RBM19: variants seen among roughly 807,000 people sequenced by gnomAD.
The protein encoded by RBM19 is probable RNA-binding protein 19.
A neutral mutation model predicts 116.8 loss-of-function variants in RBM19; 94 were observed. The observed-to-expected ratio is 0.80, with a 90% confidence interval of 0.68 to 0.95. RBM19 has a LOEUF of 0.95. Ranked by LOEUF, RBM19 falls within the 40% of genes least tolerant of loss-of-function variation. RBM19 has a pLI of 0.00. For synonymous variants in RBM19, 475 were observed against 494.1 expected (o/e 0.96, Z 0.51); for missense variants, 1,161 against 1,220.7 (o/e 0.95, Z 0.73).
chr12:113,957,626 C>T (rs115046557), intron 6 of RBM19, among the ~76,000 whole-genome samples, 156 bp downstream of exon 6: 5 of 152,138 alleles, frequency 3.3e-5, no homozygotes, highest in Non-Finnish European at 5.9e-5. Context: ...AAAGAACACA[C>T]GGCGAGCAAG....
At chr12:113,838,473 T>A (rs1300559382) in intron 23 of RBM19, among the ~76,000 whole-genome samples, 1 of 151,984 alleles carries the variant, frequency 6.6e-6, no homozygotes, top group Non-Finnish European at 1.5e-5. Context: ...GGGGAGAGCA[T>A]GCATACTCCA....
chr12:113,846,601 G>A (rs1051850514), intron 22 of RBM19, among the ~76,000 whole-genome samples: 5 of 152,180 alleles, frequency 3.3e-5, no homozygotes, highest in African/African-American at 1.2e-4. Flanking sequence ...GATGCCAACT[G>A]TCCCCAGCAG....
chr12:113,871,502 A>G (rs1336672897), intron 21 of RBM19, among the ~76,000 whole-genome samples: 1 of 152,170 alleles, frequency 6.6e-6, no homozygotes, highest in Non-Finnish European at 1.5e-5. Context: ...CGACTACTCT[A>G]CTCTGCTCTG....
intron 21 of RBM19, among the ~76,000 whole-genome samples, chr12:113,902,785 C>G (rs1881784536): frequency 6.6e-6 from 1 of 152,066 alleles, no homozygotes; most frequent in Admixed American, 6.6e-5. Context: ...GTTTGTGTAG[C>G]TATTTTCCTA....
chr12:113,935,811 A>C (rs752650026), intron 16 of RBM19, among the ~76,000 whole-genome samples: 3 of 152,206 alleles, frequency 2.0e-5, no homozygotes, highest in Non-Finnish European at 4.4e-5. Flanking sequence ...AGGCAGGCAG[A>C]TCACTTGAGG....
At chr12:113,836,711 T>C (rs2135703614) in intron 23 of RBM19, among the ~76,000 whole-genome samples, 1 of 152,188 alleles carries the variant, frequency 6.6e-6, no homozygotes, top group Middle Eastern at 3.4e-3. Flanking sequence ...CCAGGCTCTG[T>C]GCTATGCCAT....
At chr12:113,889,351 C>A in intron 21 of RBM19, among the ~76,000 whole-genome samples, 1 of 152,198 alleles carries the variant, frequency 6.6e-6, no homozygotes. Context: ...CTCTCAGGAA[C>A]CCACAGGCAA....
intron 17 of RBM19, among the ~76,000 whole-genome samples, chr12:113,926,786 G>C (rs1367139216): frequency 6.6e-6 from 1 of 152,028 alleles, no homozygotes; most frequent in Non-Finnish European, 1.5e-5. Flanking sequence ...CATATTACAC[G>C]GTCTCCCGAA....
intron 6 of RBM19, among the ~76,000 whole-genome samples, chr12:113,956,029 T>C (rs1187130809): frequency 6.6e-6 from 1 of 152,120 alleles, no homozygotes; most frequent in Admixed American, 6.5e-5. Flanking sequence ...AGTGCCTTTT[T>C]GTAAACGAAA....
chr12:113,908,177 T>A (rs1266250432), intron 21 of RBM19, among the ~76,000 whole-genome samples: 1 of 152,150 alleles, frequency 6.6e-6, no homozygotes, highest in Non-Finnish European at 1.5e-5. Flanking sequence ...AGGGAAAGCC[T>A]GGAGAATGGG....
Position 113,957,779 on chromosome 12 carries a change from C to A in RBM19, c.840+3G>T. The A allele has an allele frequency of 1.3e-6, 2 of 1,576,914 alleles. No homozygotes were observed. Among genetic ancestry groups the A allele is most frequent in the South Asian group, 1.2e-5 (1 of 84,352 alleles). ...CCTCATCACCTGCGGGATACACACGCACCTCGGCTCTGGCCTCCGGTGGTC... is the reference window on the plus strand; with the variant it reads ...CCTCATCACCTGCGGGATACACACGAACCTCGGCTCTGGCCTCCGGTGGTC... On this transcript the variant is annotated splice_donor_region_variant and intron_variant, in intron 6 of 23. Transcript: ENST00000261741.
intron 21 of RBM19, among the ~76,000 whole-genome samples, chr12:113,872,441 G>A (rs1290077680): frequency 4.8e-5 from 7 of 145,350 alleles, no homozygotes; most frequent in African/African-American, 1.0e-4. Flanking sequence ...TGGGAGGTGA[G>A]GGGCGCCTCT....
chr12:113,944,999 C>T (rs1870900661), intron 13 of RBM19, among the ~76,000 whole-genome samples: 1 of 151,940 alleles, frequency 6.6e-6, no homozygotes, highest in Admixed American at 6.6e-5. Flanking sequence ...TACAAAAGAG[C>T]AGATATGTCA....
At chr12:113,959,135 A>G in intron 5 of RBM19, 77 bp downstream of exon 5, 1 of 1,508,888 alleles carries the variant, frequency 6.6e-7, no homozygotes. Flanking sequence ...GTCTGCACAG[A>G]GGGGCCCCCA....
intron 21 of RBM19, among the ~76,000 whole-genome samples, chr12:113,884,296 TATACACAC>T (rs906840688): frequency 6.1e-5 from 5 of 81,542 alleles, no homozygotes; most frequent in African/African-American, 3.8e-4. Context: ...AAAAAAAAAG[TATACACAC>T]ACACACACAC....
At chr12:113,866,030 G>A (rs1047188815) in intron 21 of RBM19, among the ~76,000 whole-genome samples, 1 of 152,202 alleles carries the variant, frequency 6.6e-6, no homozygotes, top group Non-Finnish European at 1.5e-5. Context: ...TCCCGCAGAA[G>A]GTTATGTTGA....
chr12:113,959,460 C>A, intron 4 of RBM19, 56 bp from the exon 5 acceptor site: 1 of 1,549,558 alleles, frequency 6.5e-7, no homozygotes, highest in South Asian at 1.2e-5. Context: ...GAGGAAGAGG[C>A]AGAGAAGGCT....
chr12:113,912,972 T>TA (rs529221027), intron 21 of RBM19, among the ~76,000 whole-genome samples: 48 of 152,264 alleles, frequency 3.2e-4, no homozygotes, highest in Middle Eastern at 3.4e-3. Flanking sequence ...AAGAAGGTCT[T>TA]ACGTTTCCAG....
chr12:113,884,816 G>T (rs1413680645), intron 21 of RBM19, among the ~76,000 whole-genome samples: 1 of 152,100 alleles, frequency 6.6e-6, no homozygotes, highest in East Asian at 1.9e-4. Flanking sequence ...ACCTTGAAGG[G>T]GTTCCCACTG....
Sources: allele counts gnomAD v4.1 joint callset (sites outside exome capture counted in the v4.1 genomes callset), GRCh38; gene constraint gnomAD v4.1.1; transcripts MANE v1.5; gene names NCBI Gene and HGNC (gene_info 2026-07-23, HGNC 2026-07-21).